The following ARNT2 variants were observed in gnomAD, a reference collection of about 807,000 sequenced individuals.
The protein encoded by ARNT2 is ARNT protein 2.
A neutral mutation model predicts 91.7 loss-of-function variants in ARNT2; 36 were observed. That is an observed-to-expected ratio of 0.39 (90% CI 0.30 to 0.52). The LOEUF (loss-of-function observed/expected upper bound fraction) is 0.52, where lower values mean the gene tolerates loss of function less well. ARNT2 is among the 20% of genes least tolerant of loss of function. The pLI, the probability that ARNT2 is intolerant of heterozygous loss-of-function variation, is 0.72. For missense variants in ARNT2, 775 were observed against 939.3 expected (o/e 0.83, Z 2.29); for synonymous variants, 365 against 347.1 (o/e 1.05, Z -0.57).
At chr15:80,582,147 C>T (rs951399000) in intron 17 of ARNT2, among the ~76,000 whole-genome samples, 7 of 152,278 alleles carry the variant, frequency 4.6e-5, no homozygotes, top group South Asian at 4.1e-4. Context: ...TGAATTTCCA[C>T]GTGGCAAGTT....
chr15:80,596,276 A>G lies in ARNT2; in HGVS notation c.*2578A>G, dbSNP rs529299204. 6.6e-6 allele frequency: 1 copy of G among 152,326 alleles called. No individual in the cohort carries two copies. Among genetic ancestry groups the G allele is most frequent in the South Asian group, 2.1e-4 (1 of 4,828 alleles). 9.4% of individuals were successfully genotyped at this position (152,326 alleles called of 1,614,324 possible). The stretch of plus-strand genomic sequence containing the variant: ...CCTGATGGGGAGGCATTATGACTAA[A>G]TAGGCCCAGCCTCCTTCCCTTCCAG... On this transcript the variant is annotated 3_prime_UTR_variant, in exon 19 of 19. Coordinates refer to ENST00000303329, the MANE Select transcript of ARNT2 (RefSeq NM_014862.4).
intron 12 of ARNT2, among the ~76,000 whole-genome samples, chr15:80,572,007 C>A (rs1164282588): frequency 1.3e-5 from 2 of 152,182 alleles, no homozygotes; most frequent in Non-Finnish European, 2.9e-5. Flanking sequence ...TATGGCCACA[C>A]CTGTTAAGTA....
In ARNT2 at chr15:80,597,844, A is replaced by G. The variant is rs1435900018; in HGVS notation, c.*4146A>G. 1 of 152,842 alleles carries G rather than the reference A, an allele frequency of 6.5e-6. No individual in the cohort carries two copies. Among genetic ancestry groups the G allele is most frequent in the Non-Finnish European group, 1.5e-5 (1 of 68,196 alleles). 9.5% of individuals were successfully genotyped at this position (152,842 alleles called of 1,614,324 possible). A position where few individuals can be genotyped will look rare whatever the true frequency, so the allele number is the denominator to read the frequency against. On this transcript the variant is annotated 3_prime_UTR_variant, in exon 19 of 19. Transcript: ENST00000303329. ...TATTTCTTGAATGTTCTCTATGACT[A>G]ACAGTTATTAAGTCGGTTGTGTATA... is the stretch of plus-strand genomic sequence containing the variant.
In ARNT2 at chr15:80,561,077, G is replaced by A. The variant is rs971007944; in HGVS notation, c.1165-2011G>A. ...GAGCCTGCTCCTTGCAGGTCTTGAG[G>A]ATAGAGATGGGGTATTCACAGGTGA... On this transcript the variant is annotated intron_variant, in intron 11 of 18. Coordinates refer to ENST00000303329, the MANE Select transcript of ARNT2 (RefSeq NM_014862.4). Among the ~76,000 whole-genome samples, 3 of 152,308 alleles carry A rather than the reference G, an allele frequency of 2.0e-5. No homozygotes were observed. In the East Asian group the frequency reaches 5.8e-4, roughly 29 times the overall value.
chr15:80,532,004 A>G (rs1897748606), intron 8 of ARNT2, among the ~76,000 whole-genome samples: 1 of 152,140 alleles, frequency 6.6e-6, no homozygotes, highest in South Asian at 2.1e-4. Flanking sequence ...ACCTCTTCTG[A>G]CTTGTGCTAG....
At chr15:80,522,692 C>T (rs780970844) in intron 8 of ARNT2, among the ~76,000 whole-genome samples, 2 of 151,614 alleles carry the variant, frequency 1.3e-5, no homozygotes, top group Non-Finnish European at 2.9e-5. Flanking sequence ...CTTATGGGAC[C>T]ACTGTCATAT....
intron 8 of ARNT2, among the ~76,000 whole-genome samples, chr15:80,516,554 C>T (rs546842484): frequency 6.6e-6 from 1 of 151,872 alleles, no homozygotes; most frequent in South Asian, 2.1e-4. Context: ...CTTAACTGTG[C>T]CTTTATATTT....
At chr15:80,464,543 T>A (rs1322957489) in intron 3 of ARNT2, among the ~76,000 whole-genome samples, 1 of 152,158 alleles carries the variant, frequency 6.6e-6, no homozygotes, top group Non-Finnish European at 1.5e-5. Context: ...ATCTTGTAGT[T>A]GCCTTGCAGA....
chr15:80,473,177 G>A (rs28615218), intron 4 of ARNT2, among the ~76,000 whole-genome samples: 3,220 of 152,252 alleles, frequency 0.021, 49 homozygotes, highest in East Asian at 0.051. Context: ...CAGCTAAGTG[G>A]GAGAGCGGTA....
chr15:80,470,471 A>T (rs8033350), intron 4 of ARNT2, 40 bp downstream of exon 4: 3 of 1,598,254 alleles, frequency 1.9e-6, no homozygotes, highest in Non-Finnish European at 2.6e-6. Flanking sequence ...AGCGGGGGGA[A>T]TCCCAGCGTC....
intron 2 of ARNT2, among the ~76,000 whole-genome samples, chr15:80,455,359 A>C (rs1456313364): frequency 1.3e-5 from 2 of 152,180 alleles, no homozygotes; most frequent in Non-Finnish European, 2.9e-5. Context: ...CACAGGTGTG[A>C]GGCACAGGAT....
chr15:80,464,147 C>G (rs764003606), intron 3 of ARNT2, among the ~76,000 whole-genome samples: 4 of 152,162 alleles, frequency 2.6e-5, no homozygotes, highest in Non-Finnish European at 5.9e-5. Flanking sequence ...TCCCTAGTCT[C>G]TCCGGGCATT....
chr15:80,567,580 A>T (rs1413938113), intron 12 of ARNT2, among the ~76,000 whole-genome samples: 1 of 152,212 alleles, frequency 6.6e-6, no homozygotes, highest in Non-Finnish European at 1.5e-5. Context: ...TTGCAAGAAA[A>T]GTAAAGATCC....
In ARNT2 at chr15:80,593,675, A is replaced by G. The variant is rs760706005; in HGVS notation, c.2131A>G (p.Met711Val). 2 of 1,606,066 alleles carry G rather than the reference A, an allele frequency of 1.2e-6. No individual in the cohort carries two copies. The highest frequency in any genetic ancestry group is 1.7e-6 in the Non-Finnish European group (2 of 1,175,418). The change falls in exon 19 of 19, where the codon ATG becomes GTG. Residue 711 changes from methionine (M) to valine (V), a missense_variant. Met to Val is a conservative substitution (Grantham distance 21). Around this residue, in one of 5 missense-constraint regions of ARNT2, gnomAD observed 325 missense variants for 359.9 expected, o/e 0.90. Coordinates refer to ENST00000303329, the MANE Select transcript of ARNT2 (RefSeq NM_014862.4). Reference protein sequence around the residue: ...YNIEDFADLGMFPPFSE With the variant: ...YNIEDFADLGVFPPFSE ...CATCGAAGACTTTGCCGACCTGGGCATGTTTCCACCGTTTTCTGAGTAGCT... is the reference window on the plus strand; with the variant it reads ...CATCGAAGACTTTGCCGACCTGGGCGTGTTTCCACCGTTTTCTGAGTAGCT...
intron 17 of ARNT2, among the ~76,000 whole-genome samples, chr15:80,582,717 G>A (rs1039252996): frequency 7.9e-5 from 12 of 152,154 alleles, no homozygotes; most frequent in East Asian, 7.7e-4. Context: ...AAGTATTCTC[G>A]CCACGTGGTT....
At chr15:80,514,587 G>T (rs564113046) in intron 8 of ARNT2, among the ~76,000 whole-genome samples, 182 bp downstream of exon 8, 84 of 152,308 alleles carry the variant, frequency 5.5e-4, no homozygotes, top group Non-Finnish European at 9.4e-4. Context: ...AAAGGTTTCT[G>T]TAAAGAGCTA....
intron 5 of ARNT2, among the ~76,000 whole-genome samples, chr15:80,494,728 C>A (rs1204317244): frequency 6.6e-6 from 1 of 152,090 alleles, no homozygotes; most frequent in Non-Finnish European, 1.5e-5. Flanking sequence ...TTTCAGAGAG[C>A]CACGAGAGCC....
At chr15:80,432,148 A>G (rs3848170) in intron 1 of ARNT2, among the ~76,000 whole-genome samples, 131,137 of 152,236 alleles carry the variant, frequency 0.86, 56,503 homozygotes, top group East Asian at 0.91. Context: ...CCATTCAACT[A>G]CTGCTCCCTG....
chr15:80,431,275 AG>A (rs1324100510), intron 1 of ARNT2, among the ~76,000 whole-genome samples: 1 of 152,144 alleles, frequency 6.6e-6, no homozygotes, highest in Non-Finnish European at 1.5e-5. Flanking sequence ...TCTTCTGTGC[AG>A]GGGTATCACT....
Sources: gnomAD v4.1 joint callset for allele counts (sites outside exome capture counted in the v4.1 genomes callset) on GRCh38, gnomAD v4.1.1 for gene constraint, gnomAD v4.1.1 regional missense constraint, MANE v1.5 for transcripts, NCBI Gene and HGNC (gene_info 2026-07-23, HGNC 2026-07-21) for gene names.